The following TNFSF14 variants were observed in gnomAD, a reference collection of about 807,000 sequenced individuals.
TNFSF14 encodes the protein tumor necrosis factor ligand superfamily member 14.
Under a neutral mutation model 22.7 loss-of-function variants are expected in TNFSF14, and 15 were observed. The observed-to-expected ratio is 0.66, with a 90% CI of 0.44 to 1.02. The LOEUF is 1.02. Among genes scored for constraint, TNFSF14 ranks in the 50% least tolerant of loss-of-function variants. TNFSF14 has a pLI of 0.00. For synonymous variants in TNFSF14, 133 were observed against 139.6 expected (o/e 0.95, Z 0.33); for missense variants, 287 against 326.2 (o/e 0.88, Z 0.93).
chr19:6,667,501 C>T, intron 1 of TNFSF14, 52 bp from the exon 2 acceptor site: 2 of 1,557,106 alleles, frequency 1.3e-6, no homozygotes, highest in Non-Finnish European at 1.7e-6. Context: ...GGGCCACGCC[C>T]TCGCATTGCT....
At chr19:6,668,708 C>CA (rs56998273) in intron 1 of TNFSF14, among the ~76,000 whole-genome samples, 8,932 of 139,286 alleles carry the variant, frequency 0.064, 321 homozygotes, top group African/African-American at 0.092. Context: ...AACCTTGTCT[C>CA]AAAAAAAAAA....
chr19:6,667,224 C>T, intron 2 of TNFSF14, 70 bp from the exon 3 acceptor site: 5 of 1,473,872 alleles, frequency 3.4e-6, no homozygotes, highest in Non-Finnish European at 3.6e-6. Context: ...TAAAGGGCCA[C>T]CGTGTACACC....
At position 6,667,467 on chromosome 19, in the gene TNFSF14, G is replaced by A; in HGVS notation, c.220-18C>T. 2 of 1,571,826 alleles carry A rather than the reference G, an allele frequency of 1.3e-6. No individual in the cohort carries two copies. Among genetic ancestry groups the A allele is most frequent in the Non-Finnish European group, 1.7e-6 (2 of 1,166,424 alleles). ...GGTCCGTCCTGAAAATGCAGAAGGG[G>A]CCTGCGGTAAGAACCTGCAGCGGGG... On this transcript the variant is annotated intron_variant, in intron 1 of 3. Transcript: ENST00000675206.
Position 6,669,871 on chromosome 19 carries a change from C to G in TNFSF14, c.199G>C (p.Glu67Gln), listed in dbSNP as rs775196919. ...CTCACAGGCAGGCGGGTGACCATCT[C>G]TCCTAGACGCCAGTGCAGCTGCAGG... ...FLLQLHWRLG[E>Q]MVTRLPDGPA... is the part of the protein sequence containing the mutation. Residue 67 changes from glutamate (E) to glutamine (Q), a missense_variant, in exon 1 of 4, where the codon GAG becomes CAG. Coordinates refer to ENST00000675206, the MANE Select transcript of TNFSF14 (RefSeq NM_001376887.1). 2 of 1,612,806 alleles carry G rather than the reference C, an allele frequency of 1.2e-6. No homozygotes were observed. Among genetic ancestry groups the G allele is most frequent in the African/African-American group, 2.7e-5 (2 of 74,882 alleles).
rs1263041124 is a variant in TNFSF14, at chr19:6,664,747, C to G, written c.*179G>C. 4.2e-5 allele frequency: 28 copies of G among 671,710 alleles called. No homozygotes were observed. Among genetic ancestry groups the G allele is most frequent in the Non-Finnish European group, 6.6e-5 (27 of 409,872 alleles). 41.6% of individuals were successfully genotyped at this position (671,710 alleles called of 1,614,324 possible). A position where few individuals can be genotyped will look rare whatever the true frequency, so the allele number is the denominator to read the frequency against. The stretch of plus-strand genomic sequence containing the variant: ...TAGAGATGGGGTTTTGCCATGTTAG[C>G]CAGGCTGGTCTCGAACTCCTGACCT... On this transcript the variant is annotated 3_prime_UTR_variant, in exon 4 of 4. Coordinates refer to ENST00000675206, the MANE Select transcript of TNFSF14 (RefSeq NM_001376887.1). The surrounding 1 kb of genome is among the most constrained non-coding windows in gnomAD (Gnocchi z 4.7).
At chr19:6,668,272 A>G (rs1422606894) in intron 1 of TNFSF14, among the ~76,000 whole-genome samples, 1 of 151,908 alleles carries the variant, frequency 6.6e-6, no homozygotes, top group African/African-American at 2.4e-5. Flanking sequence ...CTGGGACAGG[A>G]GGCTTGCTTG....
At chr19:6,666,303 G>A (rs1917423940) in intron 3 of TNFSF14, among the ~76,000 whole-genome samples, 1 of 151,170 alleles carries the variant, frequency 6.6e-6, no homozygotes, top group African/African-American at 2.4e-5. Flanking sequence ...TGGGGAAGCT[G>A]AAGTGGGAGG....
At chr19:6,667,077 C>A (rs1272245936) in intron 3 of TNFSF14, 36 bp downstream of exon 3, 1 of 1,609,386 alleles carries the variant, frequency 6.2e-7, no homozygotes, top group Admixed American at 1.7e-5. Flanking sequence ...GACGCCCTGA[C>A]CCCTGCCCCT....
Position 6,665,222 on chromosome 19 carries a change from T to G in TNFSF14, c.427A>C (p.Ile143Leu). 1.2e-6 allele frequency: 2 copies of G among 1,613,994 alleles called. No individual in the cohort carries two copies. Among genetic ancestry groups the G allele is most frequent in the South Asian group, 1.1e-5 (1 of 91,072 alleles). The change falls in exon 4 of 4, where the codon ATC becomes CTC. Residue 143 changes from isoleucine to leucine, a missense_variant. Coordinates refer to ENST00000675206, the MANE Select transcript of TNFSF14 (RefSeq NM_001376887.1). ...LVVTKAGYYYIYSKVQLGGVG... is the reference protein window; with the variant it reads ...LVVTKAGYYYLYSKVQLGGVG... ...CCGCCCAGCTGCACCTTGGAGTAGA[T>G]GTAGTAGTAGCCAGCTTTGGTGACC...
At chr19:6,669,173 G>A (rs980179622) in intron 1 of TNFSF14, among the ~76,000 whole-genome samples, 5 of 152,096 alleles carry the variant, frequency 3.3e-5, no homozygotes, top group East Asian at 1.9e-4. Context: ...AATGACAATC[G>A]CAGTAACAGT....
At chr19:6,669,047 G>C (rs1336308878) in intron 1 of TNFSF14, among the ~76,000 whole-genome samples, 1 of 152,228 alleles carries the variant, frequency 6.6e-6, no homozygotes, top group Non-Finnish European at 1.5e-5. Flanking sequence ...AGCCCACAGG[G>C]GTATGGTGTT....
intron 2 of TNFSF14, 26 bp from the exon 3 acceptor site, chr19:6,667,180 A>G: frequency 6.4e-7 from 1 of 1,553,234 alleles, no homozygotes; most frequent in Admixed American, 2.1e-5. Context: ...CAGAGGTTAG[A>G]GACGAAGACA....
chr19:6,669,082 G>C (rs1007510319), intron 1 of TNFSF14, among the ~76,000 whole-genome samples: 4 of 152,218 alleles, frequency 2.6e-5, no homozygotes, highest in Non-Finnish European at 5.9e-5. Flanking sequence ...CCCCAGGTGA[G>C]GCACACAGAC....
Position 6,663,764 on chromosome 19 carries a change from G to A in TNFSF14, c.*1162C>T, listed in dbSNP as rs1917321055. ...AGTCTATAGTTGTGAAAGAGTGGCT[G>A]AGATTATGCAGCCATGTGACAGATT... is the stretch of plus-strand genomic sequence containing the variant. On this transcript the variant is annotated 3_prime_UTR_variant, in exon 4 of 4. Coordinates refer to ENST00000675206, the MANE Select transcript of TNFSF14 (RefSeq NM_001376887.1). The A allele has an allele frequency of 6.6e-6, 1 of 152,332 alleles. No individual in the cohort carries two copies. Among genetic ancestry groups the A allele is most frequent in the Admixed American group, 6.5e-5 (1 of 15,270 alleles). 9.4% of individuals were successfully genotyped at this position (152,332 alleles called of 1,614,324 possible). A position where few individuals can be genotyped will look rare whatever the true frequency, so the allele number is the denominator to read the frequency against.
Position 6,664,657 on chromosome 19 carries a change from C to G in TNFSF14, c.*269G>C. 3.3e-6 allele frequency: 1 copy of G among 303,844 alleles called. No individual in the cohort carries two copies. The highest frequency in any genetic ancestry group is 6.2e-6 in the Non-Finnish European group (1 of 161,824). 18.8% of individuals were successfully genotyped at this position (303,844 alleles called of 1,614,324 possible). A position where few individuals can be genotyped will look rare whatever the true frequency, so the allele number is the denominator to read the frequency against. ...GGGTTTAAGCAAAATTATCCTGCCT[C>G]AGCCTCCTGAGTAGCTGGATTACAG... On this transcript the variant is annotated 3_prime_UTR_variant, in exon 4 of 4. Coordinates refer to ENST00000675206, the MANE Select transcript of TNFSF14 (RefSeq NM_001376887.1). The surrounding 1 kb of genome is among the most constrained non-coding windows in gnomAD (Gnocchi z 4.7).
At position 6,670,157 on chromosome 19, in the gene TNFSF14, C is replaced by T. The variant is rs375901449; in HGVS notation, c.-88G>A. The T allele has an allele frequency of 8.4e-6, 13 of 1,542,264 alleles. No individual in the cohort carries two copies. The highest frequency in any genetic ancestry group is 1.8e-4 in the Middle Eastern group (1 of 5,682). ...TTGCTCAACACTCCTGGGCTGTGCA[C>T]GCTGCGGACAGGCACCCGTGGGCCG... On this transcript the variant is annotated 5_prime_UTR_variant, in exon 1 of 4. In the 5' UTR this introduces an upstream ATG that the reference lacks. Coordinates refer to ENST00000675206, the MANE Select transcript of TNFSF14 (RefSeq NM_001376887.1).
At chr19:6,667,510 C>G in intron 1 of TNFSF14, 61 bp from the exon 2 acceptor site, 1 of 1,546,720 alleles carries the variant, frequency 6.5e-7, no homozygotes, top group Non-Finnish European at 8.7e-7. Flanking sequence ...CCTCGCATTG[C>G]TCACACATGG....
At chr19:6,670,327 G>A, upstream of TNFSF14, 1 of 1,300,760 alleles carries the variant, frequency 7.7e-7, no homozygotes, top group East Asian at 2.9e-5. Flanking sequence ...ATGTGACTCA[G>A]GTGGCAAGTG....
At chr19:6,669,636 T>C (rs1917536320) in intron 1 of TNFSF14, among the ~76,000 whole-genome samples, 1 of 151,994 alleles carries the variant, frequency 6.6e-6, no homozygotes, top group African/African-American at 2.4e-5. Flanking sequence ...CTGCCCTTAT[T>C]TTGTAGATGA....
Sources: gnomAD v4.1 joint callset for allele counts (sites outside exome capture counted in the v4.1 genomes callset) on GRCh38, gnomAD v4.1.1 for gene constraint, Gnocchi (gnomAD v3.1) non-coding constraint, MANE v1.5 for transcripts, NCBI Gene and HGNC (gene_info 2026-07-23, HGNC 2026-07-21) for gene names.